The following FGF14 variants were observed in gnomAD, a reference collection of about 807,000 sequenced individuals.
FGF14 encodes the protein fibroblast growth factor 14, also known as fibroblast growth factor homologous factor 4.
In FGF14, 5 loss-of-function variants were observed where a neutral mutation model predicts 25.5. The ratio of observed to expected loss-of-function variants is 0.20; its 90% CI spans 0.10 to 0.41. The LOEUF is 0.41. FGF14 is among the 10% of genes least tolerant of loss of function. The pLI, the probability that FGF14 is intolerant of heterozygous loss-of-function variation, is 1.00. For missense variants in FGF14, 222 were observed against 320.1 expected (o/e 0.69, Z 2.34); for synonymous variants, 138 against 118.3 (o/e 1.17, Z -1.08).
At chr13:102,262,384 G>T (rs1172789955) in intron 1 of FGF14, among the ~76,000 whole-genome samples, 1 of 151,834 alleles carries the variant, frequency 6.6e-6, no homozygotes, top group East Asian at 1.9e-4. Context: ...AACTTAAAAA[G>T]AAAAATCACT....
chr13:102,247,489 C>A (rs373449100), intron 1 of FGF14, among the ~76,000 whole-genome samples: 2 of 151,886 alleles, frequency 1.3e-5, no homozygotes, highest in African/African-American at 4.8e-5. Context: ...ATGAAAAAAA[C>A]CCTCAATATC....
intron 1 of FGF14, among the ~76,000 whole-genome samples, chr13:102,103,372 AG>A (rs1371540140): frequency 2.8e-4 from 43 of 152,204 alleles, no homozygotes; most frequent in African/African-American, 9.9e-4. Flanking sequence ...GATACACTCA[AG>A]TTTTTTGACT....
chr13:102,156,237 T>A lies in FGF14; in HGVS notation c.208+245234A>T, dbSNP rs953193910. ...GAGAATTTTAGACCAATATCCCTGA[T>A]GAACATCAATGCAAAAATCCTCAAT... On this transcript the variant is annotated intron_variant, in intron 1 of 4. Coordinates refer to the FGF14 transcript ENST00000376131. Among the ~76,000 whole-genome samples, 39 of 152,300 alleles carry A rather than the reference T, an allele frequency of 2.6e-4. 1 individual carries two copies. Among genetic ancestry groups the A allele is most frequent in the Admixed American group, 2.3e-3 (35 of 15,304 alleles).
chr13:101,942,861 T>C (rs1227556073), intron 1 of FGF14, among the ~76,000 whole-genome samples: 2 of 152,206 alleles, frequency 1.3e-5, no homozygotes, highest in South Asian at 2.1e-4. Flanking sequence ...AAAATAACTA[T>C]ATAAAACAGC....
intron 1 of FGF14, among the ~76,000 whole-genome samples, chr13:101,927,930 T>C (rs2034480424): frequency 1.3e-5 from 2 of 152,218 alleles, no homozygotes; most frequent in African/African-American, 4.8e-5. Flanking sequence ...CTGTTCCTGA[T>C]GTCTTTAATC....
chr13:102,178,085 A>T (rs534854851), intron 1 of FGF14, among the ~76,000 whole-genome samples: 2 of 152,134 alleles, frequency 1.3e-5, no homozygotes, highest in East Asian at 3.9e-4. Context: ...ACATAGCACT[A>T]ACGTCTCTTC....
At chr13:101,955,505 G>T (rs367544527) in intron 1 of FGF14, among the ~76,000 whole-genome samples, 2 of 152,350 alleles carry the variant, frequency 1.3e-5, no homozygotes, top group African/African-American at 4.8e-5. Flanking sequence ...TTATTCTACT[G>T]CTTCATGTCA....
chr13:102,389,123 C>A (rs2058373730), intron 1 of FGF14, among the ~76,000 whole-genome samples: 1 of 152,082 alleles, frequency 6.6e-6, no homozygotes, highest in South Asian at 2.1e-4. Flanking sequence ...TCCCCTTCTT[C>A]CCCTTTCATC....
At chr13:101,804,251 G>A (rs990881421) in intron 3 of FGF14, among the ~76,000 whole-genome samples, 2 of 152,162 alleles carry the variant, frequency 1.3e-5, no homozygotes, top group East Asian at 3.9e-4. Flanking sequence ...TGTGTAAGGA[G>A]AGTGGACACC....
chr13:102,163,303 C>T lies in FGF14; in HGVS notation c.208+238168G>A, dbSNP rs2047858833. ...CCTCTAGCACAGAGGTATTAGAAAC[C>T]ACATGCCATGCCTTGTGTAATATGG... On this transcript the variant is annotated intron_variant, in intron 1 of 4. Coordinates refer to the FGF14 transcript ENST00000376131. Among the ~76,000 whole-genome samples, 7 of 152,126 alleles carry T rather than the reference C, an allele frequency of 4.6e-5. No individual in the cohort carries two copies. The South Asian group carries it at 1.5e-3, about 32-fold the overall frequency.
intron 3 of FGF14, among the ~76,000 whole-genome samples, chr13:101,828,472 CTTTT>C (rs59346051): frequency 1.4e-5 from 2 of 141,122 alleles, no homozygotes; most frequent in African/African-American, 5.2e-5. Context: ...AAATAAAAGA[CTTTT>C]TTTTTTTTTT....
At chr13:101,738,979 T>C (rs932359621) in intron 3 of FGF14, among the ~76,000 whole-genome samples, 3 of 148,036 alleles carry the variant, frequency 2.0e-5, no homozygotes, top group Admixed American at 6.8e-5. Context: ...TATATGCCAA[T>C]TGGTGTGTTT....
chr13:102,360,718 G>A (rs1216499975), intron 1 of FGF14, among the ~76,000 whole-genome samples: 1 of 152,260 alleles, frequency 6.6e-6, no homozygotes, highest in East Asian at 1.9e-4. Flanking sequence ...TTATCAGACT[G>A]TCCAGTCAAC....
chr13:102,289,491 A>T (rs2054270797), intron 1 of FGF14, among the ~76,000 whole-genome samples: 1 of 152,236 alleles, frequency 6.6e-6, no homozygotes, highest in African/African-American at 2.4e-5. Context: ...GGCAATATGT[A>T]AAAGAATAAG....
chr13:102,182,663 C>G (rs2048724201), intron 1 of FGF14, among the ~76,000 whole-genome samples: 1 of 151,910 alleles, frequency 6.6e-6, no homozygotes. Flanking sequence ...CTATTTGGTT[C>G]TTTACAAAAT....
At chr13:101,812,616 T>TATATAA (rs1311947623) in intron 3 of FGF14, among the ~76,000 whole-genome samples, 1 of 6,284 alleles carries the variant, frequency 1.6e-4, no homozygotes, top group Non-Finnish European at 2.9e-4. Context: ...TAAAACTATA[T>TATATAA]ATATATATAT....
chr13:102,166,378 T>C (rs915769974), intron 1 of FGF14, among the ~76,000 whole-genome samples: 7 of 151,990 alleles, frequency 4.6e-5, no homozygotes, highest in African/African-American at 1.7e-4. Flanking sequence ...AATCAATACT[T>C]GCGGGACTTT....
At chr13:102,091,419 C>G (rs549722849) in intron 1 of FGF14, among the ~76,000 whole-genome samples, 1 of 151,798 alleles carries the variant, frequency 6.6e-6, no homozygotes, top group African/African-American at 2.4e-5. Flanking sequence ...TCCTTGGCTG[C>G]TTGTGGATCT....
intron 1 of FGF14, chr13:102,367,733 T>C (rs998320591): frequency 6.6e-6 from 1 of 152,166 alleles, no homozygotes; most frequent in Non-Finnish European, 1.5e-5. Context: ...AAGGAAGTGA[T>C]CAAGGATACA....
Sources: allele counts gnomAD v4.1 joint callset (sites outside exome capture counted in the v4.1 genomes callset), GRCh38; gene constraint gnomAD v4.1.1; transcripts MANE v1.5; gene names NCBI Gene and HGNC (gene_info 2026-07-23, HGNC 2026-07-21).